The following CADM2 variants were observed in gnomAD, a reference collection of about 807,000 sequenced individuals.
The protein encoded by CADM2 is immunoglobulin superfamily member 4D.
CADM2 carries 12 observed loss-of-function variants against 49.8 expected under a neutral mutation model. The observed-to-expected ratio is 0.24, with a 90% CI of 0.15 to 0.39. The LOEUF (loss-of-function observed/expected upper bound fraction) is 0.39, where lower values mean the gene tolerates loss of function less well. CADM2 is among the 10% of genes least tolerant of loss of function. The probability of loss-of-function intolerance (pLI) is 1.00; values close to 1 mark genes in which losing one functional copy is unlikely to be tolerated. For missense variants in CADM2, 378 were observed against 492.3 expected (o/e 0.77, Z 2.20); for synonymous variants, 214 against 175.4 (o/e 1.22, Z -1.74).
At chr3:85,901,328 T>G (rs184023694) in intron 5 of CADM2, among the ~76,000 whole-genome samples, 53 of 152,344 alleles carry the variant, frequency 3.5e-4, no homozygotes, top group African/African-American at 1.2e-3. Context: ...TCCATTTGTG[T>G]TGGTAATGGG....
chr3:85,344,459 G>A (rs562320658), intron 1 of CADM2, among the ~76,000 whole-genome samples: 8 of 151,514 alleles, frequency 5.3e-5, no homozygotes, highest in East Asian at 1.9e-4. Context: ...AAAGCAGAGA[G>A]CATTATTTAT....
At chr3:85,775,831 A>C (rs1273286463) in intron 2 of CADM2, among the ~76,000 whole-genome samples, 1 of 151,914 alleles carries the variant, frequency 6.6e-6, no homozygotes, top group African/African-American at 2.4e-5. Context: ...AGATAAATCC[A>C]CTCATGTCCA....
At chr3:85,823,421 G>T (rs1430091765) in intron 3 of CADM2, among the ~76,000 whole-genome samples, 1 of 152,100 alleles carries the variant, frequency 6.6e-6, no homozygotes, top group Non-Finnish European at 1.5e-5. Flanking sequence ...TGCCATGGTA[G>T]CTTGCCAATC....
intron 1 of CADM2, among the ~76,000 whole-genome samples, chr3:85,153,297 C>T (rs564195526): frequency 1.2e-3 from 186 of 152,300 alleles, no homozygotes; most frequent in African/African-American, 4.3e-3. Context: ...CAGGGAGTTC[C>T]CTTTCCTAGT....
intron 8 of CADM2, among the ~76,000 whole-genome samples, chr3:86,026,362 G>A (rs982895531): frequency 1.3e-5 from 2 of 151,088 alleles, no homozygotes; most frequent in African/African-American, 4.9e-5. Flanking sequence ...TTTTTTTTTG[G>A]CCTTATGACT....
intron 1 of CADM2, among the ~76,000 whole-genome samples, chr3:85,327,205 C>T (rs551303067): frequency 2.6e-5 from 4 of 152,098 alleles, no homozygotes; most frequent in African/African-American, 9.6e-5. Flanking sequence ...TGATGTCTCT[C>T]TCTTTATCTA....
intron 1 of CADM2, among the ~76,000 whole-genome samples, chr3:85,445,601 C>T (rs1323176074): frequency 6.6e-6 from 1 of 151,838 alleles, no homozygotes; most frequent in Non-Finnish European, 1.5e-5. Flanking sequence ...TGCATTTATC[C>T]CATCAATAAG....
At chr3:85,673,578 C>A (rs1427048380) in intron 1 of CADM2, among the ~76,000 whole-genome samples, 1 of 150,816 alleles carries the variant, frequency 6.6e-6, no homozygotes, top group Admixed American at 6.6e-5. Flanking sequence ...TCTGACAGAA[C>A]TATTGAATGG....
intron 1 of CADM2, among the ~76,000 whole-genome samples, chr3:85,712,749 A>C (rs1459084760): frequency 6.6e-6 from 1 of 151,942 alleles, no homozygotes; most frequent in Non-Finnish European, 1.5e-5. Flanking sequence ...TTTTTTCCCC[A>C]AATACTATTC....
At chr3:85,779,410 T>C (rs979145811) in intron 2 of CADM2, among the ~76,000 whole-genome samples, 3 of 152,184 alleles carry the variant, frequency 2.0e-5, no homozygotes, top group Non-Finnish European at 4.4e-5. Flanking sequence ...GACTATGTCA[T>C]TTATAAAGGA....
intron 1 of CADM2, among the ~76,000 whole-genome samples, chr3:85,606,643 A>G (rs1045701591): frequency 3.3e-5 from 5 of 152,166 alleles, no homozygotes; most frequent in Admixed American, 3.3e-4. Flanking sequence ...ATTTCTCAGA[A>G]GGGTGATCAA....
At chr3:85,334,187 A>C (rs191019320) in intron 1 of CADM2, among the ~76,000 whole-genome samples, 2 of 151,454 alleles carry the variant, frequency 1.3e-5, no homozygotes, top group Non-Finnish European at 3.0e-5. Context: ...CTTGTAATCA[A>C]ATCTCTCCTG....
chr3:85,522,891 G>A (rs1437613521), intron 1 of CADM2, among the ~76,000 whole-genome samples: 1 of 151,190 alleles, frequency 6.6e-6, no homozygotes, highest in Non-Finnish European at 1.5e-5. Flanking sequence ...GTAACACCAT[G>A]ATTAGGGATT....
At chr3:85,073,748 T>G (rs2107480115) in intron 1 of CADM2, among the ~76,000 whole-genome samples, 1 of 152,184 alleles carries the variant, frequency 6.6e-6, no homozygotes, top group Middle Eastern at 3.4e-3. Flanking sequence ...AAAATGAAAT[T>G]TTTTTCATAC....
At chr3:85,775,604 T>A (rs1485623806) in intron 2 of CADM2, among the ~76,000 whole-genome samples, 1 of 151,870 alleles carries the variant, frequency 6.6e-6, no homozygotes, top group Non-Finnish European at 1.5e-5. Context: ...TATGCTGAAT[T>A]TTCTTGTTTT....
At chr3:85,121,085 A>G (rs1039501337) in intron 1 of CADM2, among the ~76,000 whole-genome samples, 7 of 152,168 alleles carry the variant, frequency 4.6e-5, no homozygotes, top group South Asian at 2.1e-4. Flanking sequence ...TTATGTCTTC[A>G]GGCCTCAATT....
At chr3:86,051,766 C>G (rs77342146) in intron 8 of CADM2, among the ~76,000 whole-genome samples, 5,662 of 152,096 alleles carry the variant, frequency 0.037, 210 homozygotes, top group African/African-American at 0.095. Context: ...AGGTGCTACA[C>G]ACTTTGAAAC....
chr3:85,643,869 C>T (rs2064807016), intron 1 of CADM2, among the ~76,000 whole-genome samples: 1 of 152,034 alleles, frequency 6.6e-6, no homozygotes, highest in Non-Finnish European at 1.5e-5. Flanking sequence ...TAGAGCCCTA[C>T]CCTCATTATA....
At position 85,089,604 on chromosome 3, in the gene CADM2, T is replaced by G. The variant is rs148745488; in HGVS notation, c.61+129936T>G. Among the ~76,000 whole-genome samples, 441 of 152,298 alleles carry G rather than the reference T, an allele frequency of 2.9e-3. 2 individuals carry two copies. The highest frequency in any genetic ancestry group is 0.01 in the African/African-American group (423 of 41,578). ...CTGGTCAGAGAGATTTCCATTTCAA[T>G]TATTAGAAAATAATATTTCAGGTTT... On this transcript the variant is annotated intron_variant, in intron 1 of 9. Coordinates refer to ENST00000383699, the MANE Select transcript of CADM2 (RefSeq NM_001167675.2).
Sources: allele counts gnomAD v4.1 joint callset (sites outside exome capture counted in the v4.1 genomes callset), GRCh38; gene constraint gnomAD v4.1.1; transcripts MANE v1.5; gene names NCBI Gene and HGNC (gene_info 2026-07-23, HGNC 2026-07-21).